The following PHACTR1 variants were observed in gnomAD, a reference collection of about 807,000 sequenced individuals.
PHACTR1 encodes phosphatase and actin regulator 1, also known as RPEL repeat containing 1.
Under a neutral mutation model 69.2 loss-of-function variants are expected in PHACTR1, and 16 were observed. That is an observed-to-expected ratio of 0.23 (90% CI 0.16 to 0.35). PHACTR1 has a LOEUF of 0.35. Ranked by LOEUF, PHACTR1 falls within the 10% of genes least tolerant of loss-of-function variation. PHACTR1 has a pLI of 1.00. For missense variants in PHACTR1, 510 were observed against 734.7 expected (o/e 0.69, Z 3.54); for synonymous variants, 312 against 284.5 (o/e 1.10, Z -0.97).
At chr6:12,862,042 G>T (rs1390647822) in intron 4 of PHACTR1, among the ~76,000 whole-genome samples, 1 of 152,120 alleles carries the variant, frequency 6.6e-6, no homozygotes, top group Non-Finnish European at 1.5e-5. Flanking sequence ...TGGAAGTAAA[G>T]GTGAGGGATC....
intron 4 of PHACTR1, among the ~76,000 whole-genome samples, chr6:13,049,067 A>G (rs1258904637): frequency 1.3e-5 from 2 of 152,266 alleles, no homozygotes; most frequent in African/African-American, 4.8e-5. Context: ...AATACTTATT[A>G]AGGATTCATT....
At chr6:12,788,829 A>G (rs1771871514) in intron 4 of PHACTR1, among the ~76,000 whole-genome samples, 1 of 152,244 alleles carries the variant, frequency 6.6e-6, no homozygotes, top group African/African-American at 2.4e-5. Context: ...GAGGAGGCAG[A>G]TTTGATTAAA....
intron 3 of PHACTR1, among the ~76,000 whole-genome samples, chr6:12,741,655 A>G (rs558855925): frequency 3.4e-4 from 52 of 152,112 alleles, no homozygotes; most frequent in Non-Finnish European, 6.5e-4. Context: ...TCTTTATAAT[A>G]AGTCTTGATA....
At chr6:13,069,053 A>C (rs1374960115) in intron 5 of PHACTR1, among the ~76,000 whole-genome samples, 2 of 152,162 alleles carry the variant, frequency 1.3e-5, no homozygotes, top group Non-Finnish European at 2.9e-5. Context: ...ACAGATGTGC[A>C]GGCCCCGAGG....
intron 10 of PHACTR1, among the ~76,000 whole-genome samples, chr6:13,257,382 A>G (rs1313813724): frequency 6.6e-6 from 1 of 152,222 alleles, no homozygotes; most frequent in Non-Finnish European, 1.5e-5. Context: ...GTGGGGACAC[A>G]GATCCAAACC....
intron 4 of PHACTR1, among the ~76,000 whole-genome samples, chr6:13,013,090 T>C (rs1294885243): frequency 6.6e-6 from 1 of 152,220 alleles, no homozygotes; most frequent in African/African-American, 2.4e-5. Context: ...GACCCTGTTC[T>C]CCCTTTGGAA....
intron 10 of PHACTR1, among the ~76,000 whole-genome samples, chr6:13,240,438 T>G (rs186713740): frequency 3.2e-3 from 488 of 152,122 alleles, no homozygotes; most frequent in Middle Eastern, 0.01. Flanking sequence ...TGTTGTTGTT[T>G]TTTTGTTTTG....
At chr6:13,026,469 A>G (rs1801713245) in intron 4 of PHACTR1, among the ~76,000 whole-genome samples, 1 of 152,118 alleles carries the variant, frequency 6.6e-6, no homozygotes, top group Non-Finnish European at 1.5e-5. Flanking sequence ...GAGGGTCTTG[A>G]AAATATGTAG....
chr6:12,754,943 C>T (rs1318127276), intron 4 of PHACTR1, among the ~76,000 whole-genome samples: 1 of 152,150 alleles, frequency 6.6e-6, no homozygotes, highest in East Asian at 1.9e-4. Flanking sequence ...TTTGAGTATC[C>T]ACGCATTTTG....
chr6:13,220,712 C>G (rs1246628047), intron 8 of PHACTR1, among the ~76,000 whole-genome samples: 8 of 152,182 alleles, frequency 5.3e-5, no homozygotes, highest in African/African-American at 1.9e-4. Flanking sequence ...CCTAATGCTC[C>G]TTTCACAAAG....
At chr6:12,811,650 A>G (rs1309982122) in intron 4 of PHACTR1, among the ~76,000 whole-genome samples, 1 of 152,228 alleles carries the variant, frequency 6.6e-6, no homozygotes, top group East Asian at 1.9e-4. Flanking sequence ...TGAGGCTGTT[A>G]GCCCAAATAC....
At chr6:13,096,557 G>T (rs548889931) in intron 5 of PHACTR1, among the ~76,000 whole-genome samples, 1 of 152,270 alleles carries the variant, frequency 6.6e-6, no homozygotes, top group East Asian at 1.9e-4. Flanking sequence ...TTACACTTGG[G>T]AGGCTGTGGA....
chr6:12,863,841 T>G (rs891568906), intron 4 of PHACTR1, among the ~76,000 whole-genome samples: 4 of 152,152 alleles, frequency 2.6e-5, no homozygotes, highest in Admixed American at 6.5e-5. Flanking sequence ...TTTGTGTGTG[T>G]GTGTAGATCC....
chr6:12,916,489 T>A (rs1562008527), intron 4 of PHACTR1, among the ~76,000 whole-genome samples: 1 of 152,108 alleles, frequency 6.6e-6, no homozygotes, highest in Admixed American at 6.6e-5. Flanking sequence ...TTTAAATGAC[T>A]TGTTTACACG....
At chr6:12,851,308 G>A (rs764309196) in intron 4 of PHACTR1, among the ~76,000 whole-genome samples, 37 of 152,130 alleles carry the variant, frequency 2.4e-4, no homozygotes, top group Non-Finnish European at 4.1e-4. Flanking sequence ...ATACACAGGC[G>A]AACATTTAAA....
intron 4 of PHACTR1, among the ~76,000 whole-genome samples, chr6:13,052,403 G>T (rs1806100214): frequency 1.3e-5 from 2 of 152,218 alleles, no homozygotes; most frequent in African/African-American, 4.8e-5. Flanking sequence ...AGTGGTTTGG[G>T]ATTTGCCATG....
chr6:13,156,022 T>C (rs568404436), intron 5 of PHACTR1, among the ~76,000 whole-genome samples: 1 of 152,312 alleles, frequency 6.6e-6, no homozygotes, highest in South Asian at 2.1e-4. Context: ...TAGAGCCTTT[T>C]TGTTTTCCTA....
intron 4 of PHACTR1, among the ~76,000 whole-genome samples, chr6:13,049,826 TC>T (rs1440161184): frequency 2.6e-5 from 4 of 152,224 alleles, no homozygotes; most frequent in African/African-American, 9.6e-5. Context: ...AATTAGAACT[TC>T]CTACTGTATG....
At chr6:13,099,088 G>C (rs1485262182) in intron 5 of PHACTR1, among the ~76,000 whole-genome samples, 1 of 152,210 alleles carries the variant, frequency 6.6e-6, no homozygotes, top group Non-Finnish European at 1.5e-5. Context: ...TCAATGCTCT[G>C]TGTTTCCGGC....
Sources: allele counts gnomAD v4.1 joint callset (sites outside exome capture counted in the v4.1 genomes callset), GRCh38; gene constraint gnomAD v4.1.1; transcripts MANE v1.5; gene names NCBI Gene and HGNC (gene_info 2026-07-23, HGNC 2026-07-21).